CNDP1: variants seen among roughly 807,000 people sequenced by gnomAD.
CNDP1 encodes the protein beta-Ala-His dipeptidase.
A neutral mutation model predicts 58.1 loss-of-function variants in CNDP1; 44 were observed. The observed-to-expected ratio is 0.76, with a 90% CI of 0.60 to 0.97. The LOEUF is 0.97. Ranked by LOEUF, CNDP1 falls within the 50% of genes least tolerant of loss-of-function variation. The pLI is 0.00. For synonymous variants in CNDP1, 254 were observed against 252.6 expected (o/e 1.01, Z -0.05); for missense variants, 616 against 655.1 (o/e 0.94, Z 0.65).
At chr18:74,570,770 C>T (rs72981719) in intron 6 of CNDP1, among the ~76,000 whole-genome samples, 31,724 of 151,964 alleles carry the variant, frequency 0.21, 3,826 homozygotes, top group Middle Eastern at 0.28. Flanking sequence ...ATAGAATTGT[C>T]CTGCAGGTAA....
Position 74,583,629 on chromosome 18 carries a change from A to T in CNDP1, c.1378A>T (p.Ile460Phe). Reference sequence around the variant, plus strand: ...TCCAATTGCCAAAATGTTCCAGGAGATCGTCCACAAGAGCGTGGTGCTAAT... The same window carrying T: ...TCCAATTGCCAAAATGTTCCAGGAGTTCGTCCACAAGAGCGTGGTGCTAAT... ...TIPIAKMFQE[I>F]VHKSVVLIPL... Residue 460 changes from isoleucine to phenylalanine, a missense_variant, in exon 11 of 12, where the codon ATC becomes TTC. Transcript: ENST00000358821. 1 of 1,614,122 alleles carries T rather than the reference A, an allele frequency of 6.2e-7. No homozygotes were observed.
chr18:74,545,079 C>A lies in CNDP1; in HGVS notation c.24+10388C>A, dbSNP rs147038768. Among the ~76,000 whole-genome samples, 1,607 of 152,270 alleles carry A rather than the reference C, an allele frequency of 0.011. 30 individuals are homozygous for A. The highest frequency in any genetic ancestry group is 0.036 in the African/African-American group (1,475 of 41,546). ...AGGACCCTCCCCTAGAGCCTGCAGA[C>A]GGAGCCCAGCCCTGCCAACACGTGA... On this transcript the variant is annotated intron_variant, in intron 1 of 11. Coordinates refer to ENST00000358821, the MANE Select transcript of CNDP1 (RefSeq NM_032649.6). This position sits in a 1 kb window ranked among gnomAD's most constrained non-coding sequence, Gnocchi z 4.1.
chr18:74,539,953 A>G (rs1231374775), intron 1 of CNDP1, among the ~76,000 whole-genome samples: 1 of 152,218 alleles, frequency 6.6e-6, no homozygotes, highest in Non-Finnish European at 1.5e-5. Context: ...TGTTCAGCAC[A>G]TATCTTGAAG....
chr18:74,583,241 A>T (rs1370844045), intron 10 of CNDP1, among the ~76,000 whole-genome samples: 5 of 152,088 alleles, frequency 3.3e-5, no homozygotes, highest in Non-Finnish European at 7.3e-5. Context: ...TCCTGACCTC[A>T]AGTGATCCGC....
intron 1 of CNDP1, among the ~76,000 whole-genome samples, chr18:74,549,181 A>G (rs547546225): frequency 1.3e-5 from 2 of 152,256 alleles, no homozygotes; most frequent in Non-Finnish European, 2.9e-5. Flanking sequence ...AACAACAGAC[A>G]TCATTCTATT....
At chr18:74,571,330 C>G in intron 7 of CNDP1, 60 bp downstream of exon 7, 1 of 1,204,134 alleles carries the variant, frequency 8.3e-7, no homozygotes, top group African/African-American at 1.5e-5. Context: ...GACAGCTCTA[C>G]TTGATTTTAT....
chr18:74,566,272 C>T (rs1227246668), intron 5 of CNDP1, among the ~76,000 whole-genome samples: 1 of 152,224 alleles, frequency 6.6e-6, no homozygotes, highest in African/African-American at 2.4e-5. Flanking sequence ...GAGACATTTT[C>T]CCAGTGGTCT....
At chr18:74,535,099 C>A (rs1246121429) in intron 1 of CNDP1, among the ~76,000 whole-genome samples, 2 of 152,158 alleles carry the variant, frequency 1.3e-5, no homozygotes, top group Non-Finnish European at 2.9e-5. Flanking sequence ...GACTTAAGGG[C>A]TAGTTTGCAA....
chr18:74,557,441 G>A (rs1409742489), intron 2 of CNDP1, among the ~76,000 whole-genome samples: 1 of 152,156 alleles, frequency 6.6e-6, no homozygotes, highest in Non-Finnish European at 1.5e-5. Context: ...AGGATGAGGA[G>A]GAATGGCAAA....
intron 1 of CNDP1, among the ~76,000 whole-genome samples, chr18:74,543,243 A>T (rs1344695915): frequency 6.6e-6 from 1 of 152,190 alleles, no homozygotes; most frequent in Admixed American, 6.5e-5. Flanking sequence ...TAATCCCATC[A>T]CTTTGGGAGG....
intron 10 of CNDP1, among the ~76,000 whole-genome samples, chr18:74,583,345 A>C (rs557362650): frequency 2.0e-5 from 3 of 152,306 alleles, no homozygotes; most frequent in Admixed American, 2.0e-4. Flanking sequence ...TGAAGAAGAC[A>C]TCCATAGTTT....
intron 10 of CNDP1, among the ~76,000 whole-genome samples, chr18:74,580,915 G>A (rs1457791548): frequency 6.6e-6 from 1 of 152,222 alleles, no homozygotes; most frequent in Non-Finnish European, 1.5e-5. Context: ...GCTGCAGCAA[G>A]CTATGATCAT....
rs1275119566 is a variant in CNDP1 at position 74,580,238 on chromosome 18, C to T, written c.1276C>T (p.Gln426Ter). The change falls in exon 10 of 12, where the codon CAG becomes TAG. Residue 426 changes from glutamine (Q) to a stop codon, truncating the protein, a stop_gained. Transcript: ENST00000358821. LOFTEE classifies it high-confidence loss of function. Reference sequence around the variant, plus strand: ...GTGGATTGCAAATATTGATGACACCCAGTATCTCGCAGCAAAAAGAGCGAT... The same window carrying T: ...GTGGATTGCAAATATTGATGACACCTAGTATCTCGCAGCAAAAAGAGCGAT... ...HPWIANIDDT[Q>*]YLAAKRAIRT... 1.2e-6 allele frequency: 2 copies of T among 1,614,156 alleles called. No homozygotes were observed. Among genetic ancestry groups the T allele is most frequent in the Admixed American group, 3.3e-5 (2 of 60,028 alleles).
At chr18:74,551,264 A>AT (rs139493874) in intron 1 of CNDP1, among the ~76,000 whole-genome samples, 27,014 of 149,690 alleles carry the variant, frequency 0.18, 2,556 homozygotes, top group Middle Eastern at 0.25. Context: ...AATTAACCCT[A>AT]TTTTTTTTTA....
chr18:74,559,854 AT>A (rs1470886273), intron 3 of CNDP1, among the ~76,000 whole-genome samples: 1 of 151,876 alleles, frequency 6.6e-6, no homozygotes, highest in African/African-American at 2.4e-5. Context: ...CTGGAGCTGC[AT>A]TTTTTTCATC....
At chr18:74,558,412 T>TTTTTG (rs1981098731) in intron 2 of CNDP1, among the ~76,000 whole-genome samples, 1 of 149,258 alleles carries the variant, frequency 6.7e-6, no homozygotes, top group Non-Finnish European at 1.5e-5. Flanking sequence ...TTTTTTTTTT[T>TTTTTG]GAGATGGAGT....
chr18:74,548,024 C>T (rs971611342), intron 1 of CNDP1, among the ~76,000 whole-genome samples: 17 of 152,294 alleles, frequency 1.1e-4, no homozygotes, highest in Admixed American at 6.5e-4. Flanking sequence ...CGCCTACCCC[C>T]GCCGAAAAGA....
intron 3 of CNDP1, 23 bp from the exon 4 acceptor site, chr18:74,560,833 T>C: frequency 6.2e-7 from 1 of 1,601,088 alleles, no homozygotes; most frequent in Non-Finnish European, 8.6e-7. Flanking sequence ...TTTTTGAAAA[T>C]GTGATTCCTG....
chr18:74,567,389 G>C lies in CNDP1; in HGVS notation c.712G>C (p.Ala238Pro). ...CCTGTGGATCAGCCAAAGGAAGCCAGCAATCACTTACGGAACCCGGGGGAA... is the reference window on the plus strand; with the variant it reads ...CCTGTGGATCAGCCAAAGGAAGCCACCAATCACTTACGGAACCCGGGGGAA... ...DNLWISQRKP[A>P]ITYGTRGNSY... is the part of the protein sequence containing the mutation. The change falls in exon 6 of 12, where the codon GCA (alanine) becomes CCA (proline). Residue 238 changes from alanine (A) to proline (P), a missense_variant. By Grantham distance (27) the Ala-to-Pro change is conservative. Transcript: ENST00000358821. The C allele has an allele frequency of 6.2e-7, 1 of 1,614,156 alleles. No individual in the cohort carries two copies. Among genetic ancestry groups the C allele is most frequent in the Non-Finnish European group, 8.5e-7 (1 of 1,179,994 alleles).
Sources: allele counts gnomAD v4.1 joint callset (sites outside exome capture counted in the v4.1 genomes callset), GRCh38; gene constraint gnomAD v4.1.1; non-coding constraint Gnocchi (gnomAD v3.1); transcripts MANE v1.5; gene names NCBI Gene and HGNC (gene_info 2026-07-23, HGNC 2026-07-21).